Variants in NOX4 observed in about 807,000 individuals in gnomAD.
NOX4 encodes the protein kidney oxidase-1.
NOX4 carries 69 observed loss-of-function variants against 87.6 expected under a neutral mutation model. The ratio of observed to expected loss-of-function variants is 0.79; its 90% CI spans 0.65 to 0.96. The LOEUF is 0.96. Among genes scored for constraint, NOX4 ranks in the 40% least tolerant of loss-of-function variants. NOX4 has a pLI of 0.00. For missense variants in NOX4, 680 were observed against 681.5 expected (o/e 1.00, Z 0.02); for synonymous variants, 275 against 238.2 (o/e 1.15, Z -1.42).
the NOX4 span, among the ~76,000 whole-genome samples, chr11:89,515,251 T>C: frequency 6.6e-6 from 1 of 152,064 alleles, no homozygotes; most frequent in Admixed American, 6.6e-5. Context: ...GAGTTCCATT[T>C]GCTCTACAAC....
intron 7 of NOX4, among the ~76,000 whole-genome samples, chr11:89,430,512 G>T (rs1324565762): frequency 1.3e-5 from 2 of 152,098 alleles, no homozygotes; most frequent in African/African-American, 4.8e-5. Flanking sequence ...AAAGTCTCAG[G>T]ATACAAAATC....
chr11:89,493,721 T>TTTATTA (rs200679523), upstream of NOX4, among the ~76,000 whole-genome samples: 9,848 of 142,142 alleles, frequency 0.069, 402 homozygotes, highest in Non-Finnish European at 0.082. Context: ...GCCAGATTGT[T>TTTATTA]TTATTATTAT....
intron 11 of NOX4, among the ~76,000 whole-genome samples, chr11:89,392,374 T>C (rs371794529): frequency 3.2e-4 from 48 of 152,112 alleles, no homozygotes; most frequent in East Asian, 9.7e-4. Context: ...AGGCAACCCA[T>C]AGGGAGGCTC....
chr11:89,417,629 G>C (rs757702426), intron 8 of NOX4, among the ~76,000 whole-genome samples: 14 of 152,052 alleles, frequency 9.2e-5, no homozygotes, highest in African/African-American at 1.4e-4. Flanking sequence ...AAATTACTTT[G>C]TTGATAAGAA....
chr11:89,379,544 T>A (rs1283114800), intron 11 of NOX4, among the ~76,000 whole-genome samples: 2 of 152,166 alleles, frequency 1.3e-5, no homozygotes, highest in Non-Finnish European at 2.9e-5. Context: ...AGGGCTGAGA[T>A]GCCAGTCATT....
intron 11 of NOX4, among the ~76,000 whole-genome samples, chr11:89,380,159 T>C (rs1338320463): frequency 6.6e-6 from 1 of 152,108 alleles, no homozygotes. Context: ...TGTGTACAGC[T>C]AGAGAGAAAG....
chr11:89,381,754 A>T (rs145048636), intron 11 of NOX4, among the ~76,000 whole-genome samples: 2,975 of 152,258 alleles, frequency 0.02, 82 homozygotes, highest in East Asian at 0.13. Flanking sequence ...CATGAGAAAG[A>T]TCCACCTACA....
chr11:89,380,129 G>A (rs1398122850), intron 11 of NOX4, among the ~76,000 whole-genome samples: 1 of 152,214 alleles, frequency 6.6e-6, no homozygotes, highest in Non-Finnish European at 1.5e-5. Context: ...TCAACAAGAT[G>A]AGAGAGACTA....
At chr11:89,392,445 T>C (rs1941197931) in intron 11 of NOX4, among the ~76,000 whole-genome samples, 1 of 152,152 alleles carries the variant, frequency 6.6e-6, no homozygotes, top group African/African-American at 2.4e-5. Context: ...TTGTCTTTTT[T>C]CACCAACCCA....
Position 89,475,732 on chromosome 11 carries a change from AC to A in NOX4, c.153+14725del, listed in dbSNP as rs1281847124. ...ATAAAATTATAATAATTGATATTAT[AC>A]TATAGCAATCTAAGAAATAAGAGGG... On this transcript the variant is annotated intron_variant, in intron 2 of 17. Transcript: ENST00000263317. Among the ~76,000 whole-genome samples, 46 of 152,176 alleles carry A rather than the reference AC, an allele frequency of 3.0e-4. 1 individual carries two copies. The highest frequency in any genetic ancestry group is 9.6e-4 in the African/African-American group (40 of 41,546).
At chr11:89,387,441 C>T (rs2135121208) in intron 11 of NOX4, among the ~76,000 whole-genome samples, 1 of 152,160 alleles carries the variant, frequency 6.6e-6, no homozygotes, top group South Asian at 2.1e-4. Flanking sequence ...TGGCCCCATC[C>T]CTGTCTCCCT....
intron 2 of NOX4, among the ~76,000 whole-genome samples, chr11:89,459,266 G>T (rs1041288807): frequency 6.6e-6 from 1 of 151,958 alleles, no homozygotes; most frequent in African/African-American, 2.4e-5. Flanking sequence ...GGAACGTAAA[G>T]AATGGAACAA....
chr11:89,443,723 A>G (rs1194314495), intron 5 of NOX4: 1 of 155,008 alleles, frequency 6.5e-6, no homozygotes, highest in African/African-American at 2.4e-5. Flanking sequence ...AAATAAATTG[A>G]TTTGTCCAGG....
chr11:89,495,434 C>A (rs1232989681), upstream of NOX4, among the ~76,000 whole-genome samples: 5 of 152,012 alleles, frequency 3.3e-5, no homozygotes, highest in Non-Finnish European at 5.9e-5. Flanking sequence ...GTCAAATCAC[C>A]CTCTGCCTCT....
chr11:89,570,899 A>G, the NOX4 span, among the ~76,000 whole-genome samples: 10 of 152,224 alleles, frequency 6.6e-5, no homozygotes, highest in Non-Finnish European at 1.5e-4. Context: ...GCCACACCCT[A>G]TGGGAAGGAG....
intron 17 of NOX4, among the ~76,000 whole-genome samples, chr11:89,332,242 G>A (rs2036418): frequency 0.056 from 8,430 of 151,808 alleles, 306 homozygotes; most frequent in East Asian, 0.13. Context: ...GAGTAAATGT[G>A]AGAGACTAAA....
At chr11:89,429,702 A>G (rs547767157) in intron 7 of NOX4, among the ~76,000 whole-genome samples, 27 of 152,260 alleles carry the variant, frequency 1.8e-4, no homozygotes, top group Non-Finnish European at 3.4e-4. Flanking sequence ...AGGCTCTGAA[A>G]TTGAGGCAAT....
the NOX4 span, among the ~76,000 whole-genome samples, chr11:89,559,084 CA>C: frequency 6.6e-6 from 1 of 151,996 alleles, no homozygotes; most frequent in Non-Finnish European, 1.5e-5. Flanking sequence ...TCAAATGCAT[CA>C]TAAATATTTA....
chr11:89,453,953 C>T (rs1945077068), intron 2 of NOX4, among the ~76,000 whole-genome samples: 1 of 152,060 alleles, frequency 6.6e-6, no homozygotes, highest in African/African-American at 2.4e-5. Flanking sequence ...TAGACAACCA[C>T]CCTAGATAAG....
Sources: allele counts gnomAD v4.1 joint callset (sites outside exome capture counted in the v4.1 genomes callset), GRCh38; gene constraint gnomAD v4.1.1; transcripts MANE v1.5; gene names NCBI Gene and HGNC (gene_info 2026-07-23, HGNC 2026-07-21).